Variants in PLXNA4 observed in about 807,000 individuals in gnomAD.
The protein encoded by PLXNA4 is plexin A4, also known as plexin-A4.
A neutral mutation model predicts 191.8 loss-of-function variants in PLXNA4; 44 were observed. The observed-to-expected ratio is 0.23, with a 90% CI of 0.18 to 0.29. The LOEUF (loss-of-function observed/expected upper bound fraction) is 0.29, where lower values mean the gene tolerates loss of function less well. PLXNA4 is among the 10% of genes least tolerant of loss of function. The probability of loss-of-function intolerance (pLI) is 1.00; values close to 1 mark genes in which losing one functional copy is unlikely to be tolerated. For missense variants in PLXNA4, 1,800 were observed against 2,488.8 expected (o/e 0.72, Z 5.89); for synonymous variants, 1,082 against 1,009.5 (o/e 1.07, Z -1.36).
intron 5 of PLXNA4, among the ~76,000 whole-genome samples, chr7:132,238,096 G>A (rs1232886205): frequency 6.6e-6 from 1 of 152,206 alleles, no homozygotes; most frequent in Non-Finnish European, 1.5e-5. Flanking sequence ...CTGAGTGCAA[G>A]AAGGCCATGG....
At chr7:132,261,511 A>T (rs1393640306) in intron 4 of PLXNA4, among the ~76,000 whole-genome samples, 1 of 152,214 alleles carries the variant, frequency 6.6e-6, no homozygotes, top group African/African-American at 2.4e-5. Context: ...TGCTGCTGCC[A>T]GTGTCACCAG....
In PLXNA4 at chr7:132,476,458, A is replaced by G. The variant is rs114549387; in HGVS notation, c.1371+12834T>C. ...ATAAAAATCAATGTTTTTCAATGCA[A>G]TCTGCAGGATAGCTTCCTCCACTCA... On this transcript the variant is annotated intron_variant, in intron 3 of 31. Coordinates refer to ENST00000321063, the MANE Select transcript of PLXNA4 (RefSeq NM_020911.2). Among the ~76,000 whole-genome samples, 987 of 152,354 alleles carry G rather than the reference A, an allele frequency of 6.5e-3. 20 individuals carry two copies. Among genetic ancestry groups the G allele is most frequent in the African/African-American group, 0.022 (909 of 41,588 alleles).
Position 132,605,555 on chromosome 7 carries a change from C to T in PLXNA4, c.-87+40373G>A, listed in dbSNP as rs80264230. 8.3e-3 allele frequency among the ~76,000 whole-genome samples: 1,268 copies of T among 152,038 alleles called. 23 individuals carry two copies. The highest frequency in any genetic ancestry group is 0.03 in the African/African-American group (1,227 of 41,454). The stretch of plus-strand genomic sequence containing the variant: ...GGTAGGTGGCATTGGTAGATTTGGG[C>T]CAATTCTGGGGACACAGAAAGCCAG... On this transcript the variant is annotated intron_variant, in intron 2 of 4. Transcript: ENST00000378539.
At chr7:132,421,139 G>C (rs887312662) in intron 3 of PLXNA4, among the ~76,000 whole-genome samples, 5 of 152,080 alleles carry the variant, frequency 3.3e-5, no homozygotes, top group Non-Finnish European at 1.5e-5. Flanking sequence ...TTTACTTTCT[G>C]TCTTTATGAA....
Position 132,187,487 on chromosome 7 carries a change from G to C in PLXNA4, c.2977C>G (p.Pro993Ala), listed in dbSNP as rs1456863131. Residue 993 changes from proline to alanine, a missense_variant, in exon 15 of 32, where the codon CCC becomes GCC. Pro to Ala is a conservative substitution (Grantham distance 27, BLOSUM62 -1). Around this residue, in one of 6 missense-constraint regions of PLXNA4, gnomAD observed 1,397 missense variants for 1,880.4 expected, o/e 0.74. Coordinates refer to ENST00000321063, the MANE Select transcript of PLXNA4 (RefSeq NM_020911.2). The part of the protein sequence containing the change: ...SNVVVMFGKQ[P>A]CLFHRRSPSY... ...CTGAGTTACCTGTGGAAGAGACAGG[G>C]CTGCTTTCCAAACATCACCACCACG... 6.2e-7 allele frequency: 1 copy of C among 1,613,846 alleles called. No individual in the cohort carries two copies. Among genetic ancestry groups the C allele is most frequent in the Admixed American group, 1.7e-5 (1 of 60,000 alleles).
At chr7:132,390,562 T>C (rs1805363872) in intron 3 of PLXNA4, among the ~76,000 whole-genome samples, 1 of 151,794 alleles carries the variant, frequency 6.6e-6, no homozygotes, top group South Asian at 2.1e-4. Flanking sequence ...ACTTAAAGTA[T>C]AAAAAATAAA....
intron 1 of PLXNA4, among the ~76,000 whole-genome samples, chr7:132,527,099 A>T (rs1799429455): frequency 6.6e-6 from 1 of 152,194 alleles, no homozygotes; most frequent in Non-Finnish European, 1.5e-5. Flanking sequence ...GTTAATGGAC[A>T]GTTGTAAATC....
rs564769915 is a variant in PLXNA4, at chr7:132,395,455, C to T, written c.1371+93837G>A. 1.1e-4 allele frequency among the ~76,000 whole-genome samples: 17 copies of T among 152,234 alleles called. No homozygotes were observed. In the South Asian group the frequency reaches 2.1e-3, roughly 19 times the overall value. ...AGAGAGTCCTGCTGAGAGAGGGTGT[C>T]GGCCAGATAAATTTGATGATGCAGC... On this transcript the variant is annotated intron_variant, in intron 3 of 31. Transcript: ENST00000321063.
chr7:132,334,252 C>CTTTTTTTTTTTTTTTTTTTTTTT lies in PLXNA4; in HGVS notation c.1372-36053_1372-36031dup, dbSNP rs71529758. Among the ~76,000 whole-genome samples the CTTTTTTTTTTTTTTTTTTTTTTT allele has an allele frequency of 4.2e-4, 32 of 75,604 alleles. 1 individual carries two copies. Among genetic ancestry groups the CTTTTTTTTTTTTTTTTTTTTTTT allele is most frequent in the Non-Finnish European group, 6.0e-4 (25 of 41,846 alleles). 49.6% of individuals were successfully genotyped at this position (75,604 alleles called of 152,430 possible). On this transcript the variant is annotated intron_variant, in intron 3 of 31. Coordinates refer to ENST00000321063, the MANE Select transcript of PLXNA4 (RefSeq NM_020911.2). ...TTTCTTTTCTTTTCTTTCTTTCTTTCTTTTTTTTTTTTTTTTTTTTTTTGA... is the reference window on the plus strand; with the variant it reads ...TTTCTTTTCTTTTCTTTCTTTCTTTCTTTTTTTTTTTTTTTTTTTTTTTTTTTTTTTTTTTTTTTTTTTTTTGA...
At chr7:132,422,150 G>A (rs1418079267) in intron 3 of PLXNA4, among the ~76,000 whole-genome samples, 1 of 152,168 alleles carries the variant, frequency 6.6e-6, no homozygotes, top group East Asian at 1.9e-4. Flanking sequence ...CCCCACCCTA[G>A]GAGCTGGAAA....
At chr7:132,359,191 A>G (rs1407828625) in intron 3 of PLXNA4, among the ~76,000 whole-genome samples, 1 of 150,126 alleles carries the variant, frequency 6.7e-6, no homozygotes, top group African/African-American at 2.4e-5. Flanking sequence ...CTATTTCAGA[A>G]GGAAAAAGTC....
At chr7:132,387,874 A>C (rs1805223077) in intron 3 of PLXNA4, among the ~76,000 whole-genome samples, 1 of 152,032 alleles carries the variant, frequency 6.6e-6, no homozygotes, top group African/African-American at 2.4e-5. Flanking sequence ...CATGTTCCTA[A>C]TCTGCTTGGC....
intron 1 of PLXNA4, among the ~76,000 whole-genome samples, chr7:132,537,014 G>T (rs1799866983): frequency 6.6e-6 from 1 of 152,232 alleles, no homozygotes; most frequent in African/African-American, 2.4e-5. Context: ...AAGGAAGCAA[G>T]CAACTAGAGA....
upstream of PLXNA4, chr7:132,576,956 T>A (rs1802270955): frequency 6.8e-6 from 1 of 147,084 alleles, no homozygotes; most frequent in African/African-American, 2.5e-5. The surrounding 1 kb of genome is among the most constrained non-coding windows in gnomAD (Gnocchi z 5.8). Flanking sequence ...TCTGCGCGCC[T>A]CTCTGGGTAG....
At chr7:132,137,821 G>C (rs1426633606) in intron 30 of PLXNA4, among the ~76,000 whole-genome samples, 22 of 151,804 alleles carry the variant, frequency 1.4e-4, no homozygotes, top group Admixed American at 1.4e-3. Context: ...ATGGATGGGA[G>C]GACAGGCGGG....
At chr7:132,450,849 G>C (rs537957071) in intron 3 of PLXNA4, among the ~76,000 whole-genome samples, 1 of 152,304 alleles carries the variant, frequency 6.6e-6, no homozygotes, top group South Asian at 2.1e-4. Context: ...CCCTGAGCAA[G>C]TCGGAGGCCC....
intron 9 of PLXNA4, among the ~76,000 whole-genome samples, chr7:132,212,496 T>G (rs1380581653): frequency 6.6e-6 from 1 of 152,006 alleles, no homozygotes; most frequent in African/African-American, 2.4e-5. Flanking sequence ...TGATGAGCTC[T>G]GGAACTCTGA....
chr7:132,497,358 C>A (rs1030179460), intron 2 of PLXNA4, among the ~76,000 whole-genome samples: 1 of 152,174 alleles, frequency 6.6e-6, no homozygotes, highest in Admixed American at 6.5e-5. Flanking sequence ...TGACGGCTGA[C>A]CCCTAAGGTG....
chr7:132,148,660 G>C lies in PLXNA4; in HGVS notation c.4661-14C>G. On this transcript the variant is annotated splice_polypyrimidine_tract_variant and intron_variant, in intron 25 of 31. Coordinates refer to ENST00000321063, the MANE Select transcript of PLXNA4 (RefSeq NM_020911.2). ...CTTGTCGCCACTCTGCCAAAAGAGCGGTGGCGTTTCAGAGAGGCCCTATGA... is the reference window on the plus strand; with the variant it reads ...CTTGTCGCCACTCTGCCAAAAGAGCCGTGGCGTTTCAGAGAGGCCCTATGA... 1 of 1,614,044 alleles carries C rather than the reference G, an allele frequency of 6.2e-7. No homozygotes were observed. Among genetic ancestry groups the C allele is most frequent in the Non-Finnish European group, 8.5e-7 (1 of 1,179,984 alleles).
Sources: allele counts gnomAD v4.1 joint callset (sites outside exome capture counted in the v4.1 genomes callset), GRCh38; gene constraint gnomAD v4.1.1; regional missense constraint gnomAD v4.1.1; non-coding constraint Gnocchi (gnomAD v3.1); transcripts MANE v1.5; gene names NCBI Gene and HGNC (gene_info 2026-07-23, HGNC 2026-07-21).